The following PEMT variants were observed in gnomAD, a reference collection of about 807,000 sequenced individuals.
PEMT encodes phosphatidylethanolamine N-methyltransferase, also known as phospholipid methyltransferase.
In PEMT, 23 loss-of-function variants were observed where a neutral mutation model predicts 27.4. That is an observed-to-expected ratio of 0.84 (90% confidence interval 0.60 to 1.19). The LOEUF is 1.19. Among genes scored for constraint, PEMT ranks in the 50% most tolerant of loss-of-function variants. PEMT has a pLI of 0.00. For synonymous variants in PEMT, 137 were observed against 139.1 expected (o/e 0.98, Z 0.11); for missense variants, 307 against 310.1 (o/e 0.99, Z 0.07).
In PEMT at chr17:17,523,989, G is replaced by A. The variant is rs1415683138; in HGVS notation, c.205-1594C>T. Among the ~76,000 whole-genome samples, 3 of 152,038 alleles carry A rather than the reference G, an allele frequency of 2.0e-5. No individual in the cohort carries two copies. The highest frequency in any genetic ancestry group is 7.3e-5 in the African/African-American group (3 of 41,366). ...TGCTATGGATTCACCTATTCTGGAC[G>A]TTTCATATAAACTGAATCACACACT... On this transcript the variant is annotated intron_variant, in intron 2 of 6. Coordinates refer to ENST00000255389, the MANE Select transcript of PEMT (RefSeq NM_148172.3). This position sits in a 1 kb window ranked among gnomAD's most constrained non-coding sequence, Gnocchi z 4.8.
chr17:17,516,312 C>A (rs1300497136), intron 3 of PEMT, among the ~76,000 whole-genome samples: 1 of 150,334 alleles, frequency 6.7e-6, no homozygotes, highest in Non-Finnish European at 1.5e-5. Flanking sequence ...AAAAAATGTT[C>A]ATCTATGCAA....
intron 3 of PEMT, among the ~76,000 whole-genome samples, chr17:17,515,132 C>T (rs1906726235): frequency 6.6e-6 from 1 of 152,158 alleles, no homozygotes. Flanking sequence ...GACTCTGTCG[C>T]TCTTACCCCC....
intron 1 of PEMT, among the ~76,000 whole-genome samples, chr17:17,586,812 G>A (rs896149567): frequency 1.3e-5 from 2 of 152,070 alleles, no homozygotes; most frequent in African/African-American, 4.8e-5. Context: ...AGACCAGCCC[G>A]GCCAACATGG....
At chr17:17,521,660 G>A (rs1221953923) in intron 3 of PEMT, among the ~76,000 whole-genome samples, 1 of 152,172 alleles carries the variant, frequency 6.6e-6, no homozygotes, top group Non-Finnish European at 1.5e-5. Flanking sequence ...CGCCTCCTGG[G>A]TTCAAGCAAT....
At chr17:17,571,087 CCCTCTGTGACACCTTGAT>C (rs1911167715) in intron 2 of PEMT, among the ~76,000 whole-genome samples, 1 of 152,190 alleles carries the variant, frequency 6.6e-6, no homozygotes, top group East Asian at 1.9e-4. Context: ...GCCTGTCAGT[CCCTCTGTGACACCTTGAT>C]CTTTGTTTCC....
At chr17:17,566,802 A>G (rs1007628135) in intron 2 of PEMT, among the ~76,000 whole-genome samples, 37 of 152,346 alleles carry the variant, frequency 2.4e-4, no homozygotes, top group African/African-American at 8.7e-4. Context: ...AACGAACCTC[A>G]CCAGCCATGC....
chr17:17,577,856 A>C (rs1214022854), intron 1 of PEMT, among the ~76,000 whole-genome samples: 2 of 151,934 alleles, frequency 1.3e-5, no homozygotes, highest in African/African-American at 4.8e-5. Flanking sequence ...TCTCTACTAA[A>C]AATACAAAAA....
chr17:17,505,923 C>T (rs1597861662), intron 6 of PEMT, 75 bp from the exon 7 acceptor site: 1 of 1,511,256 alleles, frequency 6.6e-7, no homozygotes, highest in Middle Eastern at 1.8e-4. Flanking sequence ...AGCTCTGCGT[C>T]CATCAGCTTG....
chr17:17,518,318 C>G (rs931612852), intron 3 of PEMT, among the ~76,000 whole-genome samples: 1 of 152,220 alleles, frequency 6.6e-6, no homozygotes, highest in African/African-American at 2.4e-5. Flanking sequence ...TCGAGACCAG[C>G]CTTGTGGCTC....
intron 1 of PEMT, among the ~76,000 whole-genome samples, chr17:17,586,217 AAAGAAAG>A (rs1912254541): frequency 3.7e-5 from 1 of 26,774 alleles, no homozygotes; most frequent in South Asian, 1.4e-3. Context: ...AAAGAAAGAA[AAAGAAAG>A]AAAGAAAGAA....
intron 2 of PEMT, among the ~76,000 whole-genome samples, chr17:17,528,479 C>T (rs1907856697): frequency 6.6e-6 from 1 of 152,230 alleles, no homozygotes; most frequent in African/African-American, 2.4e-5. Flanking sequence ...CATCAGCGCT[C>T]CGAGGCCTTC....
At chr17:17,578,439 T>C (rs1387344956) in intron 1 of PEMT, among the ~76,000 whole-genome samples, 2 of 151,776 alleles carry the variant, frequency 1.3e-5, no homozygotes, top group African/African-American at 4.8e-5. Flanking sequence ...TTCGAGGCTG[T>C]AGTGAGCTGT....
chr17:17,507,559 A>C (rs1225777224), intron 5 of PEMT: 1 of 279,614 alleles, frequency 3.6e-6, no homozygotes, highest in Non-Finnish European at 6.8e-6. Flanking sequence ...ACCAGCAGCG[A>C]CCCCACTGTG....
At position 17,591,658 on chromosome 17, in the gene PEMT, C is replaced by T. The variant is rs772393942; in HGVS notation, c.-32G>A. 9 of 1,596,202 alleles carry T rather than the reference C, an allele frequency of 5.6e-6. No individual in the cohort carries two copies. Among genetic ancestry groups the T allele is most frequent in the Non-Finnish European group, 7.7e-6 (9 of 1,171,980 alleles). On this transcript the variant is annotated 5_prime_UTR_variant, in exon 1 of 7. Transcript: ENST00000255389. ...GCCGCCTCAGGAGGCACCACGCGGG[C>T]CCCGCTGCAGCCACGCGCCCCCGGA... is the stretch of plus-strand genomic sequence containing the variant.
At chr17:17,591,368 G>C in intron 1 of PEMT, 163 bp downstream of exon 1, 1 of 621,738 alleles carries the variant, frequency 1.6e-6, no homozygotes. Flanking sequence ...GACACCAGCC[G>C]GCGCTCCCGC....
At chr17:17,515,294 T>C (rs1906737744) in intron 3 of PEMT, among the ~76,000 whole-genome samples, 1 of 152,192 alleles carries the variant, frequency 6.6e-6, no homozygotes, top group Non-Finnish European at 1.5e-5. Flanking sequence ...AGGGCCCAGC[T>C]TCCCTGGGGG....
intron 1 of PEMT, among the ~76,000 whole-genome samples, chr17:17,589,804 G>A (rs532226968): frequency 6.6e-6 from 1 of 152,314 alleles, no homozygotes; most frequent in South Asian, 2.1e-4. Context: ...CTTGGCAACA[G>A]GAAGCTTAAC....
intron 3 of PEMT, among the ~76,000 whole-genome samples, chr17:17,516,905 C>T (rs1249812493): frequency 2.6e-5 from 4 of 152,156 alleles, no homozygotes; most frequent in South Asian, 2.1e-4. Context: ...GCACCTGCCT[C>T]GAGGAAATCA....
At position 17,506,970 on chromosome 17, in the gene PEMT, C is replaced by T. The variant is rs532638881; in HGVS notation, c.579-669G>A. On this transcript the variant is annotated intron_variant, in intron 5 of 6. Coordinates refer to ENST00000255389, the MANE Select transcript of PEMT (RefSeq NM_148172.3). ...ACCCCAGCCCAGAGGACGGGAGGCCCCAGGCAGAGCATACAGCAGGCCCAA... is the reference window on the plus strand; with the variant it reads ...ACCCCAGCCCAGAGGACGGGAGGCCTCAGGCAGAGCATACAGCAGGCCCAA... 45 of 602,776 alleles carry T rather than the reference C, an allele frequency of 7.5e-5. 1 individual carries two copies. The South Asian group carries it at 8.8e-4, about 12-fold the overall frequency. The allele number at this position is 602,776 out of a possible 1,614,324, so 37.3% of individuals were successfully genotyped here. A position where few individuals can be genotyped will look rare whatever the true frequency, so the allele number is the denominator to read the frequency against.
Sources: gnomAD v4.1 joint callset for allele counts (sites outside exome capture counted in the v4.1 genomes callset) on GRCh38, gnomAD v4.1.1 for gene constraint, Gnocchi (gnomAD v3.1) non-coding constraint, MANE v1.5 for transcripts, NCBI Gene and HGNC (gene_info 2026-07-23, HGNC 2026-07-21) for gene names.